The following RNF214 variants were observed in gnomAD, a reference collection of about 807,000 sequenced individuals.
The protein encoded by RNF214 is ring finger protein 214.
A neutral mutation model predicts 75.9 loss-of-function variants in RNF214; 25 were observed. The observed-to-expected ratio is 0.33, with a 90% CI of 0.24 to 0.46. The LOEUF is 0.46. RNF214 is among the 20% of genes least tolerant of loss of function. The pLI is 1.00. For synonymous variants in RNF214, 314 were observed against 308.8 expected (o/e 1.02, Z -0.18); for missense variants, 725 against 857.5 (o/e 0.85, Z 1.93).
chr11:117,246,552 G>A (rs2033231226), intron 5 of RNF214, among the ~76,000 whole-genome samples: 3 of 152,174 alleles, frequency 2.0e-5, no homozygotes, highest in Admixed American at 1.3e-4. Context: ...TCACAAGGCA[G>A]TATATTTCAT....
chr11:117,269,837 C>G (rs994578963), intron 6 of RNF214, among the ~76,000 whole-genome samples: 6 of 152,180 alleles, frequency 3.9e-5, no homozygotes, highest in African/African-American at 1.4e-4. Flanking sequence ...TACTATGGGG[C>G]TATGTCCAGA....
chr11:117,268,638 G>A (rs2033845831), intron 6 of RNF214, among the ~76,000 whole-genome samples: 1 of 152,062 alleles, frequency 6.6e-6, no homozygotes, highest in Non-Finnish European at 1.5e-5. Context: ...TCCAGCTTTG[G>A]TGTTTTTTCC....
At position 117,280,161 on chromosome 11, in the gene RNF214, G is replaced by A; in HGVS notation, c.1057-10G>A. On this transcript the variant is annotated splice_polypyrimidine_tract_variant and intron_variant, in intron 7 of 14. Coordinates refer to ENST00000300650, the MANE Select transcript of RNF214 (RefSeq NM_207343.4). Reference sequence around the variant, plus strand: ...TTAATAAAGTATTTATATGTGTGTGGCTTCCTTAGATCTTATCACTAGAGA... The same window carrying A: ...TTAATAAAGTATTTATATGTGTGTGACTTCCTTAGATCTTATCACTAGAGA... 1.2e-6 allele frequency: 2 copies of A among 1,605,480 alleles called. No homozygotes were observed. Among genetic ancestry groups the A allele is most frequent in the Non-Finnish European group, 1.7e-6 (2 of 1,173,298 alleles).
In RNF214 at chr11:117,244,602, G is replaced by A; in HGVS notation, c.819+17G>A. The A allele has an allele frequency of 6.3e-7, 1 of 1,582,134 alleles. No individual in the cohort carries two copies. Among genetic ancestry groups the A allele is most frequent in the Admixed American group, 1.9e-5 (1 of 53,640 alleles). On this transcript the variant is annotated intron_variant, in intron 5 of 14. Coordinates refer to ENST00000300650, the MANE Select transcript of RNF214 (RefSeq NM_207343.4). ...AATCACCAGGTATTTTGCTTATATTGAAATTGTCAATGAGTTAAGCAACAG... is the reference window on the plus strand; with the variant it reads ...AATCACCAGGTATTTTGCTTATATTAAAATTGTCAATGAGTTAAGCAACAG...
At chr11:117,264,617 C>T (rs1366522508) in intron 6 of RNF214, among the ~76,000 whole-genome samples, 1 of 151,904 alleles carries the variant, frequency 6.6e-6, no homozygotes, top group African/African-American at 2.4e-5. Flanking sequence ...ATGAAATGTC[C>T]CTCTTTATCT....
intron 4 of RNF214, 39 bp downstream of exon 4, chr11:117,239,899 T>C: frequency 9.0e-7 from 1 of 1,106,416 alleles, no homozygotes; most frequent in African/African-American, 1.5e-5. Context: ...GAAGCCATTA[T>C]CAAATAGAAG....
intron 6 of RNF214, among the ~76,000 whole-genome samples, chr11:117,256,704 G>T (rs1297543685): frequency 1.3e-5 from 2 of 152,178 alleles, no homozygotes; most frequent in Admixed American, 6.5e-5. Context: ...TTTTGAACCA[G>T]TACAGTGCTA....
intron 6 of RNF214, among the ~76,000 whole-genome samples, chr11:117,258,608 A>G (rs1336556788): frequency 6.6e-6 from 1 of 150,950 alleles, no homozygotes; most frequent in Non-Finnish European, 1.5e-5. Context: ...TTCTTTTTTC[A>G]CTTAGCAAGT....
chr11:117,247,958 CAG>C (rs2033271998), intron 6 of RNF214, among the ~76,000 whole-genome samples: 1 of 151,826 alleles, frequency 6.6e-6, no homozygotes, highest in Non-Finnish European at 1.5e-5. Context: ...AAATTTCAAA[CAG>C]TAACATTGTA....
At chr11:117,248,511 C>T (rs1194502234) in intron 6 of RNF214, among the ~76,000 whole-genome samples, 1 of 152,190 alleles carries the variant, frequency 6.6e-6, no homozygotes, top group Non-Finnish European at 1.5e-5. Flanking sequence ...CGTCAGACTG[C>T]TGAGTTAGCA....
chr11:117,235,530 G>C (rs1235783847), intron 2 of RNF214, among the ~76,000 whole-genome samples: 1 of 123,276 alleles, frequency 8.1e-6, no homozygotes, highest in Non-Finnish European at 1.6e-5. Flanking sequence ...ATGGAGTCTC[G>C]CTCTGTCGCC....
intron 2 of RNF214, among the ~76,000 whole-genome samples, chr11:117,236,281 T>C (rs933514765): frequency 6.7e-6 from 1 of 149,282 alleles, no homozygotes; most frequent in Non-Finnish European, 1.5e-5. Flanking sequence ...TTTTGTTTTT[T>C]TTTTGTTCTT....
rs2034134935 is a variant in RNF214, at chr11:117,281,885, C to T, written c.1336-9C>T. ...TTCTCTCTCGTCCTCTACCTCTTCT[C>T]CTCTGCAGACAGACTTCATGCTTCA... On this transcript the variant is annotated splice_polypyrimidine_tract_variant and intron_variant, in intron 10 of 14. Coordinates refer to ENST00000300650, the MANE Select transcript of RNF214 (RefSeq NM_207343.4). The T allele has an allele frequency of 1.9e-6, 3 of 1,611,700 alleles. No individual in the cohort carries two copies. The highest frequency in any genetic ancestry group is 1.7e-5 in the Admixed American group (1 of 59,872).
intron 6 of RNF214, among the ~76,000 whole-genome samples, chr11:117,256,544 C>A (rs1454661962): frequency 5.3e-5 from 8 of 152,102 alleles, no homozygotes; most frequent in Non-Finnish European, 4.4e-5. Context: ...ATTGGGATGC[C>A]ATGCTTTTCT....
intron 6 of RNF214, among the ~76,000 whole-genome samples, chr11:117,267,015 C>T (rs1440670269): frequency 1.3e-5 from 2 of 149,456 alleles, no homozygotes; most frequent in Non-Finnish European, 3.0e-5. Context: ...GACATGGTGG[C>T]TCATGCGTGT....
In RNF214 at chr11:117,247,694, A is replaced by G. The variant is rs1352253576; in HGVS notation, c.959+746A>G. On this transcript the variant is annotated intron_variant, in intron 6 of 14. Coordinates refer to ENST00000300650, the MANE Select transcript of RNF214 (RefSeq NM_207343.4). ...GGTGAAACCCCATCTCTACTAAAAT[A>G]CACAAAATTAGCCAGGCGTGGCGGC... is the stretch of plus-strand genomic sequence containing the variant. 3.3e-5 allele frequency among the ~76,000 whole-genome samples: 5 copies of G among 151,950 alleles called. 1 individual carries two copies. Among genetic ancestry groups the G allele is most frequent in the African/African-American group, 1.2e-4 (5 of 41,370 alleles).
At chr11:117,244,912 C>T (rs569051905) in intron 5 of RNF214, among the ~76,000 whole-genome samples, 2 of 151,902 alleles carry the variant, frequency 1.3e-5, no homozygotes, top group African/African-American at 2.4e-5. Context: ...GAAATCCACC[C>T]GCCTTGGCCT....
At position 117,283,111 on chromosome 11, in the gene RNF214, A is replaced by G; in HGVS notation, c.1951-4A>G. The G allele has an allele frequency of 6.2e-7, 1 of 1,612,022 alleles. No individual in the cohort carries two copies. The highest frequency in any genetic ancestry group is 8.5e-7 in the Non-Finnish European group (1 of 1,178,258). ...CTTTTGATCATGCCGCCTCTGTTCTACAGGCTCCAGCCACCTGTAAGCTAT... is the reference window on the plus strand; with the variant it reads ...CTTTTGATCATGCCGCCTCTGTTCTGCAGGCTCCAGCCACCTGTAAGCTAT... On this transcript the variant is annotated splice_region_variant and splice_polypyrimidine_tract_variant and intron_variant, in intron 13 of 14. Transcript: ENST00000300650.
At chr11:117,242,248 A>G (rs2033100233) in intron 4 of RNF214, among the ~76,000 whole-genome samples, 1 of 152,152 alleles carries the variant, frequency 6.6e-6, no homozygotes. Context: ...TCTTTAGGGT[A>G]AGATATGTTA....
Sources: allele counts gnomAD v4.1 joint callset (sites outside exome capture counted in the v4.1 genomes callset), GRCh38; gene constraint gnomAD v4.1.1; transcripts MANE v1.5; gene names NCBI Gene and HGNC (gene_info 2026-07-23, HGNC 2026-07-21).